The following HCRTR2 variants were observed in gnomAD, a reference collection of about 807,000 sequenced individuals.
HCRTR2 encodes orexin receptor type 2.
Under a neutral mutation model 49.0 loss-of-function variants are expected in HCRTR2, and 22 were observed. The observed-to-expected ratio is 0.45, with a 90% CI of 0.32 to 0.64. The LOEUF (loss-of-function observed/expected upper bound fraction) is 0.64. Among genes scored for constraint, HCRTR2 ranks in the 30% least tolerant of loss-of-function variants. The pLI is 0.04. For missense variants in HCRTR2, 491 were observed against 559.4 expected (o/e 0.88, Z 1.23); for synonymous variants, 236 against 205.3 (o/e 1.15, Z -1.28).
intron 3 of HCRTR2, among the ~76,000 whole-genome samples, chr6:55,256,650 T>G (rs1044834625): frequency 7.2e-5 from 11 of 152,140 alleles, no homozygotes; most frequent in Non-Finnish European, 1.6e-4. Context: ...TATTTTTCTC[T>G]GTATCATTTT....
At chr6:55,283,063 T>C (rs1167101418), downstream of HCRTR2, among the ~76,000 whole-genome samples, 2 of 152,238 alleles carry the variant, frequency 1.3e-5, no homozygotes, top group African/African-American at 4.8e-5. Flanking sequence ...TAACATTTCT[T>C]GTCTCAACAT....
chr6:55,210,450 G>A (rs898992248), intron 1 of HCRTR2, among the ~76,000 whole-genome samples: 2 of 151,884 alleles, frequency 1.3e-5, no homozygotes, highest in Admixed American at 6.6e-5. Flanking sequence ...TCTGGCCTGG[G>A]GCAATTCAGA....
At chr6:55,230,844 ATT>A (rs75572207) in intron 1 of HCRTR2, among the ~76,000 whole-genome samples, 27,366 of 147,062 alleles carry the variant, frequency 0.19, 2,828 homozygotes, top group Non-Finnish European at 0.24. Flanking sequence ...CAGGTCAAAG[ATT>A]TTTTTTTTTT....
chr6:55,113,016 CAT>C (rs1764070723), intron 1 of HCRTR2, among the ~76,000 whole-genome samples: 1 of 151,884 alleles, frequency 6.6e-6, no homozygotes, highest in Non-Finnish European at 1.5e-5. Context: ...CAAACAAAAA[CAT>C]AAAATGGGGA....
At chr6:55,198,316 A>C (rs1305453109) in intron 1 of HCRTR2, among the ~76,000 whole-genome samples, 1 of 152,116 alleles carries the variant, frequency 6.6e-6, no homozygotes, top group African/African-American at 2.4e-5. Flanking sequence ...CATTAACCCC[A>C]AACTTATCAT....
chr6:55,130,178 G>A (rs1764334586), intron 1 of HCRTR2, among the ~76,000 whole-genome samples: 1 of 151,806 alleles, frequency 6.6e-6, no homozygotes, highest in African/African-American at 2.4e-5. Flanking sequence ...ACTAATCTAA[G>A]GCCTTTCTCT....
chr6:55,208,126 T>A (rs920935351), intron 1 of HCRTR2, among the ~76,000 whole-genome samples: 1 of 151,954 alleles, frequency 6.6e-6, no homozygotes, highest in Admixed American at 6.6e-5. Context: ...ACAAGAGCAA[T>A]TTCTTTACAA....
chr6:55,198,990 C>T (rs1229732518), intron 1 of HCRTR2, among the ~76,000 whole-genome samples: 1 of 152,312 alleles, frequency 6.6e-6, no homozygotes, highest in Middle Eastern at 3.4e-3. Flanking sequence ...CCTGGTTGCT[C>T]AAGCCTAAAT....
intron 1 of HCRTR2, among the ~76,000 whole-genome samples, chr6:55,155,656 G>A (rs1431761618): frequency 6.6e-6 from 1 of 151,978 alleles, no homozygotes; most frequent in African/African-American, 2.4e-5. Flanking sequence ...GGAGGCGGTA[G>A]TTAGACATTT....
chr6:55,252,636 G>A (rs1766574137), intron 2 of HCRTR2, among the ~76,000 whole-genome samples: 3 of 152,096 alleles, frequency 2.0e-5, no homozygotes, highest in South Asian at 2.1e-4. Context: ...AGAGTTGAAG[G>A]TACCCTCAGG....
At chr6:55,107,979 A>G (rs1488505903) in intron 1 of HCRTR2, among the ~76,000 whole-genome samples, 1 of 152,284 alleles carries the variant, frequency 6.6e-6, no homozygotes, top group Admixed American at 6.5e-5. Flanking sequence ...ACCTATCCAT[A>G]CTTTTGGTTG....
intron 1 of HCRTR2, among the ~76,000 whole-genome samples, chr6:55,122,868 C>CA (rs1316685492): frequency 4.7e-5 from 7 of 147,618 alleles, no homozygotes; most frequent in African/African-American, 7.5e-5. Context: ...ATCGCAAGGA[C>CA]AAAAAACCAA....
intron 1 of HCRTR2, among the ~76,000 whole-genome samples, chr6:55,183,918 TTC>T (rs1191550989): frequency 6.6e-6 from 1 of 152,016 alleles, no homozygotes; most frequent in African/African-American, 2.4e-5. Flanking sequence ...GAGAAGCAAT[TTC>T]TCTTTTTCTT....
chr6:55,212,478 T>C (rs754302046), intron 1 of HCRTR2, among the ~76,000 whole-genome samples: 2 of 152,186 alleles, frequency 1.3e-5, no homozygotes, highest in Admixed American at 1.3e-4. Flanking sequence ...GCCAATAACG[T>C]GAATTCTGTT....
intron 1 of HCRTR2, among the ~76,000 whole-genome samples, chr6:55,147,117 G>T (rs1054364379): frequency 6.6e-6 from 1 of 152,080 alleles, no homozygotes; most frequent in Admixed American, 6.6e-5. Context: ...CTCCCAAAAT[G>T]TAAGGTAATA....
chr6:55,119,163 A>G (rs1227958698), intron 1 of HCRTR2, among the ~76,000 whole-genome samples: 1 of 152,034 alleles, frequency 6.6e-6, no homozygotes. Context: ...TATATGTGCC[A>G]TGTTTTCTTT....
intron 1 of HCRTR2, among the ~76,000 whole-genome samples, chr6:55,149,275 T>C (rs1453107269): frequency 6.6e-6 from 1 of 152,160 alleles, no homozygotes; most frequent in Non-Finnish European, 1.5e-5. Flanking sequence ...TAACTGTTAC[T>C]GTATTTCAAA....
At chr6:55,257,233 A>G (rs941942246) in intron 3 of HCRTR2, among the ~76,000 whole-genome samples, 3 of 152,092 alleles carry the variant, frequency 2.0e-5, no homozygotes, top group African/African-American at 4.8e-5. Flanking sequence ...ATCCTTTTAC[A>G]CTGGTTTATA....
In HCRTR2 at chr6:55,221,549, C is replaced by G. The variant is rs12660294; in HGVS notation, c.224-27090C>G. Among the ~76,000 whole-genome samples, 1,769 of 151,824 alleles carry G rather than the reference C, an allele frequency of 0.012. 88 individuals are homozygous for G. In the East Asian group the frequency reaches 0.17, roughly 15 times the overall value. On this transcript the variant is annotated intron_variant, in intron 1 of 6. Transcript: ENST00000370862. ...AAGATCTGGGCCGGGCGTGGTGGCT[C>G]ACGCCTGTAATCCCAGCACTTTGGG... is the stretch of plus-strand genomic sequence containing the variant.
Sources: allele counts gnomAD v4.1 joint callset (sites outside exome capture counted in the v4.1 genomes callset), GRCh38; gene constraint gnomAD v4.1.1; transcripts MANE v1.5; gene names NCBI Gene and HGNC (gene_info 2026-07-23, HGNC 2026-07-21).